Variants in KAZN observed in about 807,000 individuals in gnomAD.
The protein encoded by KAZN is kazrin, periplakin interacting protein.
Under a neutral mutation model 87.4 loss-of-function variants are expected in KAZN, and 40 were observed. The observed-to-expected ratio is 0.46, with a 90% CI of 0.36 to 0.60. The LOEUF (loss-of-function observed/expected upper bound fraction) is 0.60. KAZN is among the 20% of genes least tolerant of loss of function. KAZN has a pLI of 0.00. For synonymous variants in KAZN, 466 were observed against 458.3 expected, an observed-to-expected ratio of 1.02 and a Z score of -0.22; for missense variants, 898 against 1,073.9, an observed-to-expected ratio of 0.84 and a Z score of 2.29.
intron 2 of KAZN, among the ~76,000 whole-genome samples, chr1:14,414,393 G>T (rs1407243379): frequency 6.1e-5 from 9 of 148,534 alleles, no homozygotes; most frequent in South Asian, 2.1e-4. Context: ...AGAGGAAGGA[G>T]CCAAGAATCC....
At chr1:15,050,279 A>G (rs1557757359) in intron 4 of KAZN, among the ~76,000 whole-genome samples, 1 of 152,196 alleles carries the variant, frequency 6.6e-6, no homozygotes, top group Non-Finnish European at 1.5e-5. Context: ...TCAGGCAGGC[A>G]CGCTGCAGAA....
intron 1 of KAZN, among the ~76,000 whole-genome samples, chr1:13,898,749 A>G (rs1639137778): frequency 6.6e-6 from 1 of 152,156 alleles, no homozygotes; most frequent in Non-Finnish European, 1.5e-5. Context: ...TGTGCAAGCC[A>G]TGCCTGTCTG....
chr1:14,382,841 G>T (rs1447883740), intron 2 of KAZN, among the ~76,000 whole-genome samples: 1 of 151,776 alleles, frequency 6.6e-6, no homozygotes, highest in African/African-American at 2.4e-5. Context: ...CCCAGTAATG[G>T]GATGGCTGGG....
At chr1:14,492,815 T>C (rs918059702) in intron 2 of KAZN, among the ~76,000 whole-genome samples, 1 of 80,736 alleles carries the variant, frequency 1.2e-5, no homozygotes, top group Middle Eastern at 4.7e-3. Context: ...ACATCACACA[T>C]ATACCGCCCA....
intron 2 of KAZN, among the ~76,000 whole-genome samples, chr1:14,435,079 A>G (rs1239478791): frequency 6.6e-6 from 1 of 151,862 alleles, no homozygotes; most frequent in African/African-American, 2.4e-5. Flanking sequence ...ATTAAACCCA[A>G]TTCTATTCTC....
chr1:14,012,865 C>T (rs115876765), intron 1 of KAZN, among the ~76,000 whole-genome samples: 1,546 of 152,284 alleles, frequency 0.01, 29 homozygotes, highest in African/African-American at 0.036. Flanking sequence ...ACCGTATGCT[C>T]CTTTCATTTT....
chr1:14,068,991 G>A (rs1286255404), intron 1 of KAZN, among the ~76,000 whole-genome samples: 1 of 152,068 alleles, frequency 6.6e-6, no homozygotes, highest in African/African-American at 2.4e-5. Context: ...TAGAGATGGG[G>A]TAACACCATA....
intron 2 of KAZN, among the ~76,000 whole-genome samples, chr1:14,193,222 T>C (rs1379288178): frequency 3.9e-5 from 6 of 152,232 alleles, no homozygotes; most frequent in Non-Finnish European, 7.3e-5. Context: ...TGTGAGTCAA[T>C]TAACCTCTTT....
chr1:14,485,892 C>CAAAAAA (rs1038275850), intron 2 of KAZN, among the ~76,000 whole-genome samples: 12 of 85,526 alleles, frequency 1.4e-4, no homozygotes, highest in East Asian at 9.6e-4. Flanking sequence ...GACTCCATCT[C>CAAAAAA]AAAAAAAAAA....
chr1:14,562,685 G>T (rs1674326901), intron 2 of KAZN, among the ~76,000 whole-genome samples: 1 of 152,220 alleles, frequency 6.6e-6, no homozygotes, highest in African/African-American at 2.4e-5. Context: ...TTCTGCAGAT[G>T]TTGGGTAGTT....
At chr1:14,801,290 G>T (rs534966328) in intron 1 of KAZN, among the ~76,000 whole-genome samples, 1 of 152,274 alleles carries the variant, frequency 6.6e-6, no homozygotes, top group African/African-American at 2.4e-5. Context: ...CCTGAGTCCA[G>T]GGAGTCAAAA....
At chr1:14,385,515 T>C (rs1181986863) in intron 2 of KAZN, among the ~76,000 whole-genome samples, 1 of 152,232 alleles carries the variant, frequency 6.6e-6, no homozygotes, top group East Asian at 1.9e-4. Flanking sequence ...ATGTTGTGTC[T>C]TTGTTCTCGT....
intron 2 of KAZN, among the ~76,000 whole-genome samples, chr1:14,371,282 T>C (rs1239319638): frequency 1.3e-5 from 2 of 152,148 alleles, no homozygotes; most frequent in African/African-American, 2.4e-5. Flanking sequence ...ATGCCTCTTA[T>C]GGGGGGCAAA....
chr1:15,060,332 C>G, intron 6 of KAZN, 30 bp downstream of exon 6: 1 of 1,613,362 alleles, frequency 6.2e-7, no homozygotes, highest in Non-Finnish European at 8.5e-7. Flanking sequence ...GGCCTGGGCC[C>G]CTGGGCCCTG....
chr1:14,086,552 T>C (rs1160792954), intron 1 of KAZN, among the ~76,000 whole-genome samples: 4 of 152,370 alleles, frequency 2.6e-5, no homozygotes, highest in African/African-American at 9.6e-5. Flanking sequence ...ATCAATTGTT[T>C]CTTTTATATT....
chr1:14,044,755 A>T lies in KAZN; in HGVS notation c.92-135680A>T, dbSNP rs558374261. On this transcript the variant is annotated intron_variant, in intron 1 of 16. Coordinates refer to the KAZN transcript ENST00000636203. ...GCTAAGGCAATGTCATGGAGTAAGG[A>T]TACCTGCAAATTCTTTGCAACTCCT... 1.4e-4 allele frequency among the ~76,000 whole-genome samples: 21 copies of T among 152,318 alleles called. No individual in the cohort carries two copies. In the South Asian group the frequency reaches 4.4e-3, roughly 32 times the overall value.
chr1:14,442,502 CA>C (rs1553172994), intron 2 of KAZN, among the ~76,000 whole-genome samples: 1 of 152,182 alleles, frequency 6.6e-6, no homozygotes, highest in Non-Finnish European at 1.5e-5. Flanking sequence ...ATAGCTGTTG[CA>C]GCTACACCTT....
chr1:14,651,917 C>T (rs1181022925), intron 1 of KAZN, among the ~76,000 whole-genome samples: 3 of 152,210 alleles, frequency 2.0e-5, no homozygotes, highest in African/African-American at 7.2e-5. Flanking sequence ...CCCATGATCC[C>T]ACACAATCCT....
At chr1:14,272,559 A>G (rs1308049830) in intron 2 of KAZN, among the ~76,000 whole-genome samples, 5 of 152,210 alleles carry the variant, frequency 3.3e-5, no homozygotes, top group East Asian at 1.9e-4. Context: ...AGCAAGGCAC[A>G]TAAAATTCAA....
Sources: allele counts gnomAD v4.1 joint callset (sites outside exome capture counted in the v4.1 genomes callset), GRCh38; gene constraint gnomAD v4.1.1; transcripts MANE v1.5; gene names NCBI Gene and HGNC (gene_info 2026-07-23, HGNC 2026-07-21).